SNX9: variants seen among roughly 807,000 people sequenced by gnomAD.
SNX9 encodes sorting nexin 9.
A neutral mutation model predicts 89.4 loss-of-function variants in SNX9; 44 were observed. That is an observed-to-expected ratio of 0.49 (90% CI 0.39 to 0.63). The LOEUF (loss-of-function observed/expected upper bound fraction) is 0.63, where lower values mean the gene tolerates loss of function less well. Ranked by LOEUF, SNX9 falls within the 30% of genes least tolerant of loss-of-function variation. The pLI is 0.00. For synonymous variants in SNX9, 236 were observed against 247.8 expected (o/e 0.95, Z 0.45); for missense variants, 578 against 736.1 (o/e 0.79, Z 2.49).
chr6:157,825,924 T>C (rs1307767943), intron 1 of SNX9, among the ~76,000 whole-genome samples: 1 of 152,166 alleles, frequency 6.6e-6, no homozygotes, highest in Admixed American at 6.6e-5. Flanking sequence ...TTAATAAAAA[T>C]GTAGGCTCCA....
chr6:157,848,903 G>A (rs1271617055), intron 1 of SNX9, among the ~76,000 whole-genome samples: 1 of 152,188 alleles, frequency 6.6e-6, no homozygotes, highest in Non-Finnish European at 1.5e-5. Context: ...AGGTGAGTAG[G>A]ATTTGGTCAG....
intron 1 of SNX9, among the ~76,000 whole-genome samples, chr6:157,858,937 C>T (rs1782066217): frequency 2.0e-5 from 3 of 152,292 alleles, no homozygotes; most frequent in African/African-American, 4.8e-5. Flanking sequence ...CAGATTATTA[C>T]AATTCAGGGT....
intron 4 of SNX9, among the ~76,000 whole-genome samples, chr6:157,889,304 C>T (rs1019825782): frequency 6.6e-6 from 1 of 151,366 alleles, no homozygotes; most frequent in African/African-American, 2.4e-5. Context: ...GGTGGTGCAC[C>T]CCTGTAATCC....
intron 1 of SNX9, among the ~76,000 whole-genome samples, chr6:157,853,489 A>G (rs1781950424): frequency 6.6e-6 from 1 of 152,110 alleles, no homozygotes; most frequent in Non-Finnish European, 1.5e-5. Context: ...TATAGTTTTC[A>G]CAAATTGGAA....
intron 12 of SNX9, among the ~76,000 whole-genome samples, chr6:157,931,191 G>A (rs1241459563): frequency 6.6e-6 from 1 of 152,122 alleles, no homozygotes; most frequent in East Asian, 1.9e-4. Context: ...CACACACTCT[G>A]CATGGTGAAC....
chr6:157,940,480 C>T (rs1303866395), intron 16 of SNX9, among the ~76,000 whole-genome samples: 1 of 152,194 alleles, frequency 6.6e-6, no homozygotes, highest in Non-Finnish European at 1.5e-5. Context: ...TACAGTGGTG[C>T]AATCCCGGCT....
intron 9 of SNX9, among the ~76,000 whole-genome samples, chr6:157,915,239 A>G (rs1783436780): frequency 6.6e-6 from 1 of 152,016 alleles, no homozygotes; most frequent in South Asian, 2.1e-4. Context: ...GAATCCTCCA[A>G]CTTGGTTCCT....
chr6:157,898,935 C>G (rs1783036601), intron 5 of SNX9, among the ~76,000 whole-genome samples: 1 of 152,182 alleles, frequency 6.6e-6, no homozygotes, highest in African/African-American at 2.4e-5. Context: ...TCTCTGGTCA[C>G]TTGGCCCACA....
intron 1 of SNX9, among the ~76,000 whole-genome samples, chr6:157,839,680 G>A (rs1781656354): frequency 6.6e-6 from 1 of 152,160 alleles, no homozygotes; most frequent in Non-Finnish European, 1.5e-5. Flanking sequence ...CCAGGCCACC[G>A]CCTCTTGCCC....
rs576757254 is a variant in SNX9 at position 157,851,443 on chromosome 6, CTT to C, written c.13-16099_13-16098del. On this transcript the variant is annotated intron_variant, in intron 1 of 17. Coordinates refer to ENST00000392185, the MANE Select transcript of SNX9 (RefSeq NM_016224.5). ...GTAACCATTGCCACTATTTCTAGAACTTTTTTCACCATCCCAAATAGAAACTC... is the reference window on the plus strand; with the variant it reads ...GTAACCATTGCCACTATTTCTAGAACTTTTCACCATCCCAAATAGAAACTC... 2.5e-3 allele frequency among the ~76,000 whole-genome samples: 384 copies of C among 152,130 alleles called. 3 individuals carry two copies. Among genetic ancestry groups the C allele is most frequent in the Non-Finnish European group, 4.3e-3 (295 of 68,000 alleles).
chr6:157,826,731 T>G (rs1421612805), intron 1 of SNX9, among the ~76,000 whole-genome samples: 1 of 134,664 alleles, frequency 7.4e-6, no homozygotes, highest in East Asian at 2.0e-4. Context: ...CCAGCCAAAA[T>G]ATAACCTATT....
chr6:157,840,358 A>G (rs1376651469), intron 1 of SNX9, among the ~76,000 whole-genome samples: 1 of 152,212 alleles, frequency 6.6e-6, no homozygotes, highest in African/African-American at 2.4e-5. Context: ...CAATAAAACC[A>G]TTGGAGGGTT....
intron 1 of SNX9, among the ~76,000 whole-genome samples, chr6:157,848,966 G>A (rs1158436004): frequency 6.6e-6 from 1 of 152,164 alleles, no homozygotes; most frequent in Non-Finnish European, 1.5e-5. Context: ...AATAGTTCAG[G>A]CCGGGTGTGG....
intron 4 of SNX9, among the ~76,000 whole-genome samples, chr6:157,884,132 C>T (rs979021887): frequency 5.9e-5 from 9 of 152,180 alleles, no homozygotes; most frequent in Non-Finnish European, 1.3e-4. Context: ...TCCCATCTGA[C>T]GGGCTACCCA....
At chr6:157,877,091 A>C (rs1782535253) in intron 4 of SNX9, among the ~76,000 whole-genome samples, 1 of 152,248 alleles carries the variant, frequency 6.6e-6, no homozygotes, top group African/African-American at 2.4e-5. Flanking sequence ...AATTCTAGGG[A>C]CTGACCAGCT....
At chr6:157,921,879 G>T (rs1783591462) in intron 10 of SNX9, among the ~76,000 whole-genome samples, 1 of 152,238 alleles carries the variant, frequency 6.6e-6, no homozygotes, top group Non-Finnish European at 1.5e-5. Context: ...CTGGGAGTGG[G>T]TTGGCTCAAG....
At chr6:157,901,374 TC>T (rs1374796049) in intron 5 of SNX9, among the ~76,000 whole-genome samples, 1 of 152,238 alleles carries the variant, frequency 6.6e-6, no homozygotes, top group Non-Finnish European at 1.5e-5. Flanking sequence ...TTGACTTTGT[TC>T]CCTGTGCTTT....
chr6:157,903,011 A>C (rs1463056557), intron 6 of SNX9, among the ~76,000 whole-genome samples: 1 of 152,170 alleles, frequency 6.6e-6, no homozygotes, highest in Non-Finnish European at 1.5e-5. Context: ...ACCCTACTTA[A>C]CAGGAAAGCA....
intron 4 of SNX9, chr6:157,885,445 G>A (rs1223454158): frequency 1.3e-5 from 2 of 152,338 alleles, no homozygotes; most frequent in East Asian, 1.9e-4. Flanking sequence ...TTGAGCTAAA[G>A]TGGTTAGATT....
Sources: allele counts gnomAD v4.1 joint callset (sites outside exome capture counted in the v4.1 genomes callset), GRCh38; gene constraint gnomAD v4.1.1; transcripts MANE v1.5; gene names NCBI Gene and HGNC (gene_info 2026-07-23, HGNC 2026-07-21).